The following SCAPER variants were observed in gnomAD, a reference collection of about 807,000 sequenced individuals.
SCAPER encodes the protein S-phase cyclin A associated protein in the ER.
In SCAPER, 98 loss-of-function variants were observed where a neutral mutation model predicts 182.2. The observed-to-expected ratio is 0.54, with a 90% CI of 0.46 to 0.64. The LOEUF is 0.64. Ranked by LOEUF, SCAPER falls within the 30% of genes least tolerant of loss-of-function variation. The pLI is 0.00. For synonymous variants in SCAPER, 605 were observed against 564.6 expected (o/e 1.07, Z -1.01); for missense variants, 1,432 against 1,690.0 (o/e 0.85, Z 2.68).
chr15:76,842,550 T>C (rs2011635), intron 4 of SCAPER, among the ~76,000 whole-genome samples: 5 of 152,094 alleles, frequency 3.3e-5, no homozygotes, highest in Non-Finnish European at 1.5e-5. Context: ...CATGCTGAAC[T>C]GTGAGTCAAT....
At chr15:76,750,635 A>G (rs1024757397) in intron 15 of SCAPER, among the ~76,000 whole-genome samples, 1 of 151,968 alleles carries the variant, frequency 6.6e-6, no homozygotes, top group Non-Finnish European at 1.5e-5. Context: ...AACATTACAC[A>G]TTAACAGAAT....
chr15:76,669,320 C>T (rs2056848543), intron 20 of SCAPER, among the ~76,000 whole-genome samples: 1 of 152,088 alleles, frequency 6.6e-6, no homozygotes, highest in Non-Finnish European at 1.5e-5. Flanking sequence ...TATACTATAC[C>T]TTTATACAGT....
chr15:76,712,078 A>C (rs1267864222), intron 17 of SCAPER, among the ~76,000 whole-genome samples: 3 of 152,152 alleles, frequency 2.0e-5, no homozygotes, highest in Non-Finnish European at 4.4e-5. Context: ...TAGGTCTGAT[A>C]TTTAAGTCCT....
intron 8 of SCAPER, among the ~76,000 whole-genome samples, chr15:76,780,303 G>A (rs777392610): frequency 1.3e-5 from 2 of 152,262 alleles, no homozygotes; most frequent in Non-Finnish European, 2.9e-5. Flanking sequence ...ATCCACCTGT[G>A]AGGCTACAGT....
intron 14 of SCAPER, among the ~76,000 whole-genome samples, chr15:76,759,272 A>T (rs916006115): frequency 3.9e-5 from 6 of 152,068 alleles, no homozygotes; most frequent in African/African-American, 7.3e-5. Context: ...GTAATTTATT[A>T]AAAAAAGAAC....
At chr15:76,644,174 T>C (rs1326091273) in intron 21 of SCAPER, among the ~76,000 whole-genome samples, 1 of 152,112 alleles carries the variant, frequency 6.6e-6, no homozygotes, top group African/African-American at 2.4e-5. Context: ...TCTCATTCTC[T>C]TACAAGCACA....
chr15:76,852,145 CTAAATATATAT>C (rs1462193739), intron 4 of SCAPER, among the ~76,000 whole-genome samples: 1 of 152,146 alleles, frequency 6.6e-6, no homozygotes, highest in Non-Finnish European at 1.5e-5. Context: ...CCTAACTATA[CTAAATATATAT>C]GCACCCAACA....
At chr15:76,388,687 G>A (rs1438446330) in intron 27 of SCAPER, among the ~76,000 whole-genome samples, 2 of 152,110 alleles carry the variant, frequency 1.3e-5, no homozygotes, top group Admixed American at 6.5e-5. Flanking sequence ...TCGGCTGGGC[G>A]TGGTGGCTCA....
intron 8 of SCAPER, among the ~76,000 whole-genome samples, chr15:76,782,570 G>C (rs1287918228): frequency 1.3e-5 from 2 of 152,110 alleles, no homozygotes; most frequent in Non-Finnish European, 1.5e-5. Context: ...CAAATCAACA[G>C]AATATACATT....
At chr15:76,700,275 C>A (rs1485561990) in intron 20 of SCAPER, among the ~76,000 whole-genome samples, 1 of 152,186 alleles carries the variant, frequency 6.6e-6, no homozygotes. Flanking sequence ...TCTCTGGCTG[C>A]CCTCCACAGC....
intron 29 of SCAPER, among the ~76,000 whole-genome samples, chr15:76,365,193 A>G (rs763070210): frequency 5.9e-5 from 9 of 152,214 alleles, no homozygotes; most frequent in Non-Finnish European, 1.2e-4. Context: ...TCACAAGGAC[A>G]AGGATTGGGT....
At chr15:76,841,996 A>G (rs1207393154) in intron 4 of SCAPER, 65 bp from the exon 5 acceptor site, 9 of 1,404,758 alleles carry the variant, frequency 6.4e-6, no homozygotes, top group East Asian at 2.3e-5. Flanking sequence ...TGGATTTTTT[A>G]TAAAGATTCA....
intron 17 of SCAPER, among the ~76,000 whole-genome samples, chr15:76,712,830 G>A (rs1486052480): frequency 1.4e-5 from 2 of 144,848 alleles, no homozygotes; most frequent in African/African-American, 5.1e-5. Context: ...AGCTTAAGGA[G>A]ATTTTGGGCT....
chr15:76,693,206 T>C (rs1168957622), intron 20 of SCAPER, among the ~76,000 whole-genome samples: 1 of 152,162 alleles, frequency 6.6e-6, no homozygotes, highest in Non-Finnish European at 1.5e-5. Flanking sequence ...GATCCTTTCC[T>C]AGAAAATGAA....
chr15:76,761,548 C>G (rs1006596856), intron 14 of SCAPER, among the ~76,000 whole-genome samples: 3 of 152,110 alleles, frequency 2.0e-5, no homozygotes, highest in African/African-American at 7.2e-5. Flanking sequence ...TTTCCTTTTA[C>G]CAAATAGTTG....
intron 25 of SCAPER, among the ~76,000 whole-genome samples, chr15:76,455,132 C>T (rs1016080214): frequency 4.1e-4 from 63 of 152,082 alleles, no homozygotes; most frequent in Middle Eastern, 6.3e-3. Flanking sequence ...AAGAATTTAC[C>T]ATTTTTAATG....
chr15:76,782,332 G>A (rs964977554), intron 8 of SCAPER, among the ~76,000 whole-genome samples: 1 of 152,140 alleles, frequency 6.6e-6, no homozygotes, highest in Non-Finnish European at 1.5e-5. Flanking sequence ...AACAAGAAGA[G>A]CTAACTATCC....
chr15:76,719,645 C>T (rs1354037095), intron 17 of SCAPER, among the ~76,000 whole-genome samples: 1 of 152,070 alleles, frequency 6.6e-6, no homozygotes, highest in Non-Finnish European at 1.5e-5. Flanking sequence ...ATGTACACTA[C>T]AACATTATGA....
At chr15:76,520,750 G>A (rs2042771629) in intron 23 of SCAPER, among the ~76,000 whole-genome samples, 1 of 152,154 alleles carries the variant, frequency 6.6e-6, no homozygotes. Flanking sequence ...GAGAAAATAA[G>A]TAGTTGGCTT....
Sources: allele counts gnomAD v4.1 joint callset (sites outside exome capture counted in the v4.1 genomes callset), GRCh38; gene constraint gnomAD v4.1.1; transcripts MANE v1.5; gene names NCBI Gene and HGNC (gene_info 2026-07-23, HGNC 2026-07-21).